NAA50: variants seen among roughly 807,000 people sequenced by gnomAD.
NAA50 encodes the protein N-alpha-acetyltransferase 50.
A neutral mutation model predicts 20.7 loss-of-function variants in NAA50; 7 were observed. The ratio of observed to expected loss-of-function variants is 0.34; its 90% CI spans 0.19 to 0.63. The LOEUF (loss-of-function observed/expected upper bound fraction) is 0.63, where lower values mean the gene tolerates loss of function less well. Among genes scored for constraint, NAA50 ranks in the 30% least tolerant of loss-of-function variants. NAA50 has a pLI of 0.75. For synonymous variants in NAA50, 54 were observed against 70.6 expected (o/e 0.77, Z 1.18); for missense variants, 111 against 199.1 (o/e 0.56, Z 2.66).
intron 1 of NAA50, among the ~76,000 whole-genome samples, chr3:113,745,587 G>A (rs1397269670): frequency 6.6e-6 from 1 of 152,196 alleles, no homozygotes; most frequent in Admixed American, 6.5e-5. Flanking sequence ...TCCACCTGGA[G>A]CTGCGGGCCG....
chr3:113,743,232 T>C (rs1457431546), intron 1 of NAA50, among the ~76,000 whole-genome samples: 1 of 152,252 alleles, frequency 6.6e-6, no homozygotes, highest in South Asian at 2.1e-4. Flanking sequence ...TTCAATATGA[T>C]AGGCAACATA....
chr3:113,734,845 C>T (rs1251165490), intron 1 of NAA50, among the ~76,000 whole-genome samples: 3 of 151,356 alleles, frequency 2.0e-5, no homozygotes, highest in Admixed American at 2.0e-4. Context: ...GTTTTTTTTT[C>T]CATCAAAACT....
At chr3:113,740,482 T>C (rs914367692) in intron 1 of NAA50, among the ~76,000 whole-genome samples, 5 of 152,078 alleles carry the variant, frequency 3.3e-5, no homozygotes, top group Non-Finnish European at 5.9e-5. Flanking sequence ...TTTTCCCAAC[T>C]TGACTTCCCA....
At chr3:113,722,791 A>G (rs1708151157) in intron 4 of NAA50, 115 bp downstream of exon 4, 2 of 1,205,392 alleles carry the variant, frequency 1.7e-6, no homozygotes, top group Admixed American at 3.2e-5. Context: ...TGTAACAACT[A>G]CTTCCACAGT....
intron 1 of NAA50, among the ~76,000 whole-genome samples, chr3:113,733,569 A>T (rs1227280425): frequency 6.6e-6 from 1 of 151,518 alleles, no homozygotes; most frequent in Non-Finnish European, 1.5e-5. Flanking sequence ...AAGATATTAA[A>T]GGCCAGGCAT....
chr3:113,726,016 C>T (rs370808775), intron 1 of NAA50, among the ~76,000 whole-genome samples: 5 of 152,288 alleles, frequency 3.3e-5, no homozygotes, highest in African/African-American at 1.2e-4. Context: ...TTCTGTCATA[C>T]TTAGCAGTTT....
chr3:113,725,594 G>T (rs1028937176), intron 1 of NAA50, among the ~76,000 whole-genome samples: 7 of 151,972 alleles, frequency 4.6e-5, no homozygotes, highest in African/African-American at 1.7e-4. Flanking sequence ...GCAAAACTTT[G>T]TAAGAAATTT....
chr3:113,724,698 T>G (rs981648031), intron 1 of NAA50: 1 of 152,152 alleles, frequency 6.6e-6, no homozygotes, highest in Non-Finnish European at 1.5e-5. Context: ...AGGAGTGATA[T>G]GGTTTGGCTG....
At chr3:113,745,919 C>T (rs771624159) in intron 1 of NAA50, 23 bp downstream of exon 1, 17 of 1,603,622 alleles carry the variant, frequency 1.1e-5, no homozygotes, top group African/African-American at 6.7e-5. Context: ...CCGGCCGGGC[C>T]CTGCCCGGCT....
At chr3:113,745,630 G>A (rs1708483467) in intron 1 of NAA50, 1 of 367,684 alleles carries the variant, frequency 2.7e-6, no homozygotes, top group Non-Finnish European at 4.9e-6. Flanking sequence ...CGGGAAGGAG[G>A]CCCCGGGCGC....
chr3:113,738,129 A>G (rs1001732698), intron 1 of NAA50, among the ~76,000 whole-genome samples: 7 of 152,208 alleles, frequency 4.6e-5, no homozygotes, highest in African/African-American at 1.7e-4. Flanking sequence ...CAGCAATTAT[A>G]TGGTCGGTTA....
In NAA50 at chr3:113,723,402, A is replaced by G; in HGVS notation, c.265+20T>C. ...ATGTTTATGCTTCTCTGAAGAAGTA[A>G]AAAAACCACAATTTTTTACCTATTC... On this transcript the variant is annotated intron_variant, in intron 3 of 4. Transcript: ENST00000240922. The G allele has an allele frequency of 6.3e-7, 1 of 1,591,730 alleles. No individual in the cohort carries two copies. The highest frequency in any genetic ancestry group is 8.5e-7 in the Non-Finnish European group (1 of 1,169,940).
rs756719230 is a variant in NAA50, at chr3:113,721,953, G to A, written c.333-16C>T. ...CTGGACATGCCTGAGATATAAGAGA[G>A]TATCAGAAAAAAAATTAAAATTAAG... On this transcript the variant is annotated splice_polypyrimidine_tract_variant and intron_variant, in intron 4 of 4. Transcript: ENST00000240922. The A allele has an allele frequency of 2.7e-5, 43 of 1,588,168 alleles. No individual in the cohort carries two copies. The highest frequency in any genetic ancestry group is 3.5e-5 in the Non-Finnish European group (41 of 1,170,668).
chr3:113,745,494 G>A (rs966276264), intron 1 of NAA50, among the ~76,000 whole-genome samples: 2 of 152,170 alleles, frequency 1.3e-5, no homozygotes, highest in African/African-American at 4.8e-5. Flanking sequence ...GTTCTGCACA[G>A]CTCCCAAGCG....
In NAA50 at chr3:113,721,668, T is replaced by G; in HGVS notation, c.*92A>C. The G allele has an allele frequency of 7.3e-7, 1 of 1,365,372 alleles. No individual in the cohort carries two copies. Among genetic ancestry groups the G allele is most frequent in the East Asian group, 2.3e-5 (1 of 43,474 alleles). 84.6% of individuals were successfully genotyped at this position (1,365,372 alleles called of 1,614,324 possible). A position where few individuals can be genotyped will look rare whatever the true frequency, so the allele number is the denominator to read the frequency against. On this transcript the variant is annotated 3_prime_UTR_variant, in exon 5 of 5. Transcript: ENST00000240922. ...ACAAGAACAAGGAGGGAGAAAAGCT[T>G]TAAAAGAAAAGTGTTGGGGTGGGGG...
chr3:113,720,218 T>C lies in NAA50; in HGVS notation c.*1542A>G, dbSNP rs539024657. On this transcript the variant is annotated 3_prime_UTR_variant, in exon 5 of 5. Transcript: ENST00000240922. ...AAAACTTAAGGTTATAAAGTGTGCA[T>C]AAACATTTTATAAAATAATTTTGTC... The C allele has an allele frequency of 4.5e-4, 69 of 152,702 alleles. No homozygotes were observed. Among genetic ancestry groups the C allele is most frequent in the African/African-American group, 1.6e-3 (67 of 41,590 alleles). The allele number at this position is 152,702 out of a possible 1,614,324, so 9.5% of individuals were successfully genotyped here.
At chr3:113,745,886 T>G (rs1054952662) in intron 1 of NAA50, 56 bp downstream of exon 1, 2 of 1,577,842 alleles carry the variant, frequency 1.3e-6, no homozygotes, top group Non-Finnish European at 8.6e-7. Context: ...CCCCTCTACA[T>G]GGGCCCGGAC....
At chr3:113,741,124 T>C (rs757554683) in intron 1 of NAA50, 1 of 549,062 alleles carries the variant, frequency 1.8e-6, no homozygotes, top group Non-Finnish European at 3.6e-6. Context: ...TATACTTGAA[T>C]GAAGGATAAT....
rs960717333 is a variant in NAA50 at position 113,723,115 on chromosome 3, G to A, written c.266-143C>T. 4.2e-6 allele frequency: 5 copies of A among 1,199,566 alleles called. No individual in the cohort carries two copies. In the African/African-American group the frequency reaches 4.6e-5, roughly 11 times the overall value. The allele number at this position is 1,199,566 out of a possible 1,614,324, so 74.3% of individuals were successfully genotyped here. Reference sequence around the variant, plus strand: ...CTAGATATCCTTATTTTCCAAAGTTGTGTTCTCTCTCTACAATAGCTACGT... The same window carrying A: ...CTAGATATCCTTATTTTCCAAAGTTATGTTCTCTCTCTACAATAGCTACGT... On this transcript the variant is annotated intron_variant, in intron 3 of 4. Transcript: ENST00000240922.
Sources: allele counts gnomAD v4.1 joint callset (sites outside exome capture counted in the v4.1 genomes callset), GRCh38; gene constraint gnomAD v4.1.1; transcripts MANE v1.5; gene names NCBI Gene and HGNC (gene_info 2026-07-23, HGNC 2026-07-21).